RIPOR2: variants seen among roughly 807,000 people sequenced by gnomAD.
The protein encoded by RIPOR2 is RHO family interacting cell polarization regulator 2.
RIPOR2 carries 39 observed loss-of-function variants against 114.5 expected under a neutral mutation model. The observed-to-expected ratio is 0.34, with a 90% CI of 0.26 to 0.44. The LOEUF is 0.44. RIPOR2 is among the 20% of genes least tolerant of loss of function. The probability of loss-of-function intolerance (pLI) is 1.00; values close to 1 mark genes in which losing one functional copy is unlikely to be tolerated. For missense variants in RIPOR2, 1,007 were observed against 1,255.1 expected, an observed-to-expected ratio of 0.80 and a Z score of 2.99; for synonymous variants, 445 against 484.4, an observed-to-expected ratio of 0.92 and a Z score of 1.07.
intron 1 of RIPOR2, among the ~76,000 whole-genome samples, chr6:25,014,104 C>T (rs1354304242): frequency 6.6e-6 from 1 of 152,176 alleles, no homozygotes; most frequent in East Asian, 1.9e-4. Flanking sequence ...CTTAGGTTTT[C>T]CAGAATTCCC....
At chr6:24,809,586 C>T (rs1055694265) in intron 21 of RIPOR2, 131 bp downstream of exon 21, 6 of 661,288 alleles carry the variant, frequency 9.1e-6, no homozygotes, top group Non-Finnish European at 1.6e-5. Flanking sequence ...AGAAGACAGC[C>T]TACAGCGGGG....
At chr6:24,964,440 G>A (rs189819273) in intron 1 of RIPOR2, among the ~76,000 whole-genome samples, 241 of 152,250 alleles carry the variant, frequency 1.6e-3, no homozygotes, top group Non-Finnish European at 2.9e-3. Flanking sequence ...TTGACCTCAA[G>A]GTCCATTCAA....
At chr6:25,006,065 T>C (rs1775552610) in intron 1 of RIPOR2, among the ~76,000 whole-genome samples, 2 of 152,192 alleles carry the variant, frequency 1.3e-5, no homozygotes, top group Admixed American at 6.5e-5. Context: ...GAAATCATTA[T>C]AGGAAAATGA....
intron 1 of RIPOR2, chr6:24,877,259 G>C: frequency 1.0e-6 from 1 of 985,348 alleles, no homozygotes; most frequent in Non-Finnish European, 1.2e-6. Context: ...GAGAGAGAAG[G>C]ACAAACAGCC....
At position 24,840,069 on chromosome 6, in the gene RIPOR2, C is replaced by T. The variant is rs1373000497; in HGVS notation, c.1858-797G>A. 1.6e-5 allele frequency: 12 copies of T among 744,842 alleles called. No homozygotes were observed. The East Asian group carries it at 3.8e-4, about 24-fold the overall frequency. 46.1% of individuals were successfully genotyped at this position (744,842 alleles called of 1,614,324 possible). On this transcript the variant is annotated intron_variant, in intron 13 of 21. Transcript: ENST00000643898. Reference sequence around the variant, plus strand: ...GGCTTAAGCAATCCTCTCACCTTAGCCTCCCAGGTAGCTGAGACCACAGGC... The same window carrying T: ...GGCTTAAGCAATCCTCTCACCTTAGTCTCCCAGGTAGCTGAGACCACAGGC...
At chr6:24,871,228 A>G (rs1212721502) in intron 4 of RIPOR2, among the ~76,000 whole-genome samples, 1 of 152,226 alleles carries the variant, frequency 6.6e-6, no homozygotes, top group Non-Finnish European at 1.5e-5. Flanking sequence ...ATTGAAGGGC[A>G]TGTAAATTCA....
intron 1 of RIPOR2, among the ~76,000 whole-genome samples, chr6:24,876,188 G>A (rs893409202): frequency 2.6e-5 from 4 of 152,008 alleles, no homozygotes; most frequent in Admixed American, 6.6e-5. Context: ...CACTCGGGAG[G>A]CTGAGGCAGG....
In RIPOR2 at chr6:24,961,427, C is replaced by T. The variant is rs1006490497; in HGVS notation, c.76+80424G>A. 3.9e-5 allele frequency among the ~76,000 whole-genome samples: 6 copies of T among 152,052 alleles called. No individual in the cohort carries two copies. The East Asian group carries it at 5.8e-4, about 15-fold the overall frequency. On this transcript the variant is annotated intron_variant, in intron 1 of 13. Coordinates refer to the RIPOR2 transcript ENST00000510784. The stretch of plus-strand genomic sequence containing the variant: ...GTGAAAAGCCAGGGGTTGATGCATA[C>T]AGTGTAATATGGTGCTCCTTGGGTG...
intron 1 of RIPOR2, among the ~76,000 whole-genome samples, chr6:24,901,010 G>A (rs552380292): frequency 1.1e-4 from 17 of 152,112 alleles, no homozygotes; most frequent in Middle Eastern, 3.4e-3. Flanking sequence ...TGAAAATTTC[G>A]ATGGCTTCAA....
In RIPOR2 at chr6:24,921,321, C is replaced by T. The variant is rs1010560387; in HGVS notation, c.61+14517G>A. On this transcript the variant is annotated intron_variant, in intron 1 of 21. Transcript: ENST00000643898. ...GGGACTATAGGCACGTGCCACCACA[C>T]CCAGCTATTTTTTTTTTTTTTTAGT... 2.0e-5 allele frequency among the ~76,000 whole-genome samples: 3 copies of T among 151,470 alleles called. No individual in the cohort carries two copies. The East Asian group carries it at 5.8e-4, about 29-fold the overall frequency.
At chr6:24,993,924 C>T (rs921579487) in intron 1 of RIPOR2, among the ~76,000 whole-genome samples, 3 of 152,136 alleles carry the variant, frequency 2.0e-5, no homozygotes, top group African/African-American at 7.2e-5. Flanking sequence ...GATTTGGTAT[C>T]ATTTTTAAAA....
In RIPOR2 at chr6:25,041,858, C is replaced by G. The variant is rs1199498948; in HGVS notation, c.69G>C (p.Gln23His). 1.4e-6 allele frequency: 1 copy of G among 702,778 alleles called. No homozygotes were observed. The highest frequency in any genetic ancestry group is 2.0e-5 in the Admixed American group (1 of 49,974). The allele number at this position is 702,778 out of a possible 1,614,324, so 43.5% of individuals were successfully genotyped here. Residue 23 changes from glutamine (Q) to histidine (H), a missense_variant, in exon 1 of 14, where the codon CAG becomes CAC. Transcript: ENST00000510784. ...ACCAGACGGGACACTCACGGTTGAG[C>G]TGGCGCCTCCGGATCCTGTCCCTCC...
At chr6:24,951,957 G>C in intron 1 of RIPOR2, among the ~76,000 whole-genome samples, 1 of 152,182 alleles carries the variant, frequency 6.6e-6, no homozygotes, top group East Asian at 1.9e-4. Context: ...AATATGTAGT[G>C]AATTGTAAAT....
intron 1 of RIPOR2, among the ~76,000 whole-genome samples, chr6:24,973,501 G>T (rs2113554106): frequency 6.6e-6 from 1 of 151,540 alleles, no homozygotes; most frequent in African/African-American, 2.4e-5. Context: ...GGAGGCTGAG[G>T]CAGGAGAATA....
chr6:24,930,386 A>C (rs216262), intron 1 of RIPOR2, among the ~76,000 whole-genome samples: 44,363 of 152,082 alleles, frequency 0.29, 6,516 homozygotes, highest in East Asian at 0.35. Context: ...TATTAAAATA[A>C]ACATCTAAAA....
Position 24,956,542 on chromosome 6 carries a change from T to C in RIPOR2, c.77-80725A>G, listed in dbSNP as rs182391094. 2.0e-5 allele frequency among the ~76,000 whole-genome samples: 3 copies of C among 152,360 alleles called. No individual in the cohort carries two copies. The East Asian group carries it at 5.8e-4, about 29-fold the overall frequency. ...ATATCATTTGTGATATGCAAATATTTCATTTAATCCTCATGACACGCTAGG... is the reference window on the plus strand; with the variant it reads ...ATATCATTTGTGATATGCAAATATTCCATTTAATCCTCATGACACGCTAGG... On this transcript the variant is annotated intron_variant, in intron 1 of 13. Transcript: ENST00000510784.
chr6:24,830,219 G>A lies in RIPOR2; in HGVS notation c.2506+290C>T, dbSNP rs570313064. On this transcript the variant is annotated intron_variant, in intron 17 of 21. Transcript: ENST00000643898. The stretch of plus-strand genomic sequence containing the variant: ...GACCTCAGGTGATCCACCTGTCTCC[G>A]TCTCCCAAAGTGCTGGGATAACTGA... Among the ~76,000 whole-genome samples, 8 of 152,258 alleles carry A rather than the reference G, an allele frequency of 5.3e-5. No homozygotes were observed. In the South Asian group the frequency reaches 1.0e-3, roughly 20 times the overall value.
intron 16 of RIPOR2, among the ~76,000 whole-genome samples, chr6:24,831,905 G>A (rs931678653): frequency 6.6e-6 from 1 of 152,202 alleles, no homozygotes; most frequent in African/African-American, 2.4e-5. Context: ...TACAGGAGTT[G>A]TCTTAGCCAC....
intron 1 of RIPOR2, among the ~76,000 whole-genome samples, chr6:24,920,053 G>A (rs983696376): frequency 2.6e-5 from 4 of 152,206 alleles, no homozygotes; most frequent in African/African-American, 9.7e-5. Flanking sequence ...AGTGATTGAA[G>A]ATATAACCTG....
Sources: gnomAD v4.1 joint callset for allele counts (sites outside exome capture counted in the v4.1 genomes callset) on GRCh38, gnomAD v4.1.1 for gene constraint, MANE v1.5 for transcripts, NCBI Gene and HGNC (gene_info 2026-07-23, HGNC 2026-07-21) for gene names.